Variants in DLG2 observed in about 807,000 individuals in gnomAD.
The protein encoded by DLG2 is discs large MAGUK scaffold protein 2.
In DLG2, 45 loss-of-function variants were observed where a neutral mutation model predicts 132.5. That is an observed-to-expected ratio of 0.34 (90% CI 0.27 to 0.44). DLG2 has a LOEUF of 0.44. DLG2 is among the 20% of genes least tolerant of loss of function. The pLI is 1.00. For missense variants in DLG2, 1,045 were observed against 1,196.9 expected, an observed-to-expected ratio of 0.87 and a Z score of 1.87; for synonymous variants, 424 against 419.6, an observed-to-expected ratio of 1.01 and a Z score of -0.13.
At chr11:84,852,085 C>T (rs890560008) in intron 6 of DLG2, among the ~76,000 whole-genome samples, 1 of 151,892 alleles carries the variant, frequency 6.6e-6, no homozygotes, top group African/African-American at 2.4e-5. Flanking sequence ...TCTATATTTA[C>T]CTTTTGGATC....
intron 6 of DLG2, among the ~76,000 whole-genome samples, chr11:84,536,910 G>A (rs952982023): frequency 6.6e-6 from 1 of 152,170 alleles, no homozygotes. Context: ...CAGCCTCTGA[G>A]CTGGCTAGCC....
intron 8 of DLG2, among the ~76,000 whole-genome samples, chr11:84,217,299 C>T (rs376001298): frequency 1.3e-5 from 2 of 152,048 alleles, no homozygotes; most frequent in Admixed American, 6.6e-5. Context: ...AGTGACTTGG[C>T]GGGAAGTAAT....
In DLG2 at chr11:84,548,641, T is replaced by C. The variant is rs1349541707; in HGVS notation, c.358-13910A>G. Reference sequence around the variant, plus strand: ...ATTTTTATGGCTGCATAGTATTCCATGGTGTATATGTGCCACATTTTCTTA... The same window carrying C: ...ATTTTTATGGCTGCATAGTATTCCACGGTGTATATGTGCCACATTTTCTTA... On this transcript the variant is annotated intron_variant, in intron 6 of 27. Transcript: ENST00000376104. Among the ~76,000 whole-genome samples the C allele has an allele frequency of 8.5e-5, 13 of 152,298 alleles. No individual in the cohort carries two copies. In the East Asian group the frequency reaches 2.5e-3, roughly 29 times the overall value.
chr11:84,417,731 C>G (rs2098934604), intron 7 of DLG2, among the ~76,000 whole-genome samples: 4 of 152,146 alleles, frequency 2.6e-5, no homozygotes, highest in African/African-American at 9.7e-5. Flanking sequence ...CTGCCTTCTT[C>G]AAAACAATGA....
intron 3 of DLG2, among the ~76,000 whole-genome samples, chr11:85,340,296 G>A (rs1039207410): frequency 6.6e-6 from 1 of 152,182 alleles, no homozygotes; most frequent in African/African-American, 2.4e-5. Context: ...ACACCATGGA[G>A]TACTATGCAG....
intron 3 of DLG2, among the ~76,000 whole-genome samples, chr11:85,433,927 T>A (rs1372950789): frequency 5.3e-5 from 8 of 152,084 alleles, no homozygotes; most frequent in Admixed American, 5.2e-4. Flanking sequence ...GATAAAACAC[T>A]CCTCAGCAAA....
intron 18 of DLG2, among the ~76,000 whole-genome samples, chr11:83,706,944 T>C (rs1484989007): frequency 6.6e-6 from 1 of 152,230 alleles, no homozygotes; most frequent in Non-Finnish European, 1.5e-5. Flanking sequence ...TATGGGGTCA[T>C]GATAACAACA....
intron 4 of DLG2, among the ~76,000 whole-genome samples, chr11:85,229,015 A>T (rs2075138905): frequency 6.6e-6 from 1 of 151,412 alleles, no homozygotes; most frequent in Non-Finnish European, 1.5e-5. Flanking sequence ...TATTTTAGGA[A>T]TTATAATATG....
At chr11:85,569,311 C>A (rs762823168) in intron 3 of DLG2, among the ~76,000 whole-genome samples, 1 of 152,294 alleles carries the variant, frequency 6.6e-6, no homozygotes, top group South Asian at 2.1e-4. Context: ...GGATTACAGG[C>A]ATGAGCCACC....
intron 8 of DLG2, among the ~76,000 whole-genome samples, chr11:84,222,330 C>G (rs1398589558): frequency 6.6e-6 from 1 of 152,128 alleles, no homozygotes; most frequent in Non-Finnish European, 1.5e-5. Context: ...CCATGCCCGG[C>G]CAAGTTCTGG....
intron 7 of DLG2, among the ~76,000 whole-genome samples, chr11:84,302,903 G>A (rs1599449950): frequency 6.6e-6 from 1 of 151,802 alleles, no homozygotes; most frequent in Admixed American, 6.6e-5. Flanking sequence ...CTTGGCCAAC[G>A]TGGTCAAAAC....
At chr11:84,639,147 A>G (rs2154544850) in intron 6 of DLG2, among the ~76,000 whole-genome samples, 1 of 152,332 alleles carries the variant, frequency 6.6e-6, no homozygotes, top group East Asian at 1.9e-4. Flanking sequence ...TCAGTAAACC[A>G]ATATTATGAT....
rs1215886265 is a variant in DLG2, at chr11:83,750,089, G to A, written c.1825+36601C>T. ...AACTCATGGACAAAGACTAAAAGGG[G>A]TCACAAGAAAAAACGCTCAAGCTTG... On this transcript the variant is annotated intron_variant, in intron 18 of 27. Transcript: ENST00000376104. Among the ~76,000 whole-genome samples, 11 of 152,070 alleles carry A rather than the reference G, an allele frequency of 7.2e-5. No homozygotes were observed. In the East Asian group the frequency reaches 1.9e-3, roughly 27 times the overall value.
intron 15 of DLG2, among the ~76,000 whole-genome samples, chr11:83,921,477 C>A (rs1025137571): frequency 1.3e-5 from 2 of 152,074 alleles, no homozygotes; most frequent in Non-Finnish European, 2.9e-5. Flanking sequence ...CCGCATAAGT[C>A]ATTATAAGGT....
At chr11:84,865,359 T>G (rs975084003) in intron 6 of DLG2, among the ~76,000 whole-genome samples, 1 of 152,206 alleles carries the variant, frequency 6.6e-6, no homozygotes, top group African/African-American at 2.4e-5. Context: ...GAGTGAGGAA[T>G]GACCCTAAAA....
chr11:84,790,469 T>C (rs886215086), intron 6 of DLG2, among the ~76,000 whole-genome samples: 2 of 152,210 alleles, frequency 1.3e-5, no homozygotes, highest in Non-Finnish European at 2.9e-5. Flanking sequence ...GAGCTCCTTA[T>C]ATATTCAGGT....
intron 6 of DLG2, among the ~76,000 whole-genome samples, chr11:84,627,033 G>T (rs535173225): frequency 6.6e-6 from 1 of 151,758 alleles, no homozygotes; most frequent in African/African-American, 2.4e-5. Context: ...CACCACGCCC[G>T]CTAATTTTCG....
chr11:83,681,665 C>T (rs1236479363), intron 18 of DLG2, among the ~76,000 whole-genome samples: 14 of 152,144 alleles, frequency 9.2e-5, no homozygotes, highest in Non-Finnish European at 2.9e-5. Context: ...CAATTATTCA[C>T]AGCCCCTCTG....
At position 83,457,658 on chromosome 11, in the gene DLG2, C is replaced by A. The variant is rs1019211759; in HGVS notation, c.*2160G>T. The A allele has an allele frequency of 1.3e-5, 2 of 152,258 alleles. No homozygotes were observed. The highest frequency in any genetic ancestry group is 6.5e-5 in the Admixed American group (1 of 15,276). 9.4% of individuals were successfully genotyped at this position (152,258 alleles called of 1,614,324 possible). ...ATGGTTGCATGCTCAGTTGAGAAAC[C>A]AAAGAAGTTATCGTGGTGGCCTAAA... On this transcript the variant is annotated 3_prime_UTR_variant, in exon 28 of 28. Transcript: ENST00000376104.
Sources: allele counts gnomAD v4.1 joint callset (sites outside exome capture counted in the v4.1 genomes callset), GRCh38; gene constraint gnomAD v4.1.1; transcripts MANE v1.5; gene names NCBI Gene and HGNC (gene_info 2026-07-23, HGNC 2026-07-21).